The following FHIP1A variants were observed in gnomAD, a reference collection of about 807,000 sequenced individuals.
FHIP1A encodes FHF complex subunit HOOK interacting protein 1A.
In FHIP1A, 61 loss-of-function variants were observed where a neutral mutation model predicts 88.6. The ratio of observed to expected loss-of-function variants is 0.69; its 90% CI spans 0.56 to 0.85. FHIP1A has a LOEUF of 0.85. FHIP1A is among the 40% of genes least tolerant of loss of function. The pLI is 0.00. For missense variants in FHIP1A, 1,154 were observed against 1,273.5 expected (o/e 0.91, Z 1.43); for synonymous variants, 478 against 496.0 (o/e 0.96, Z 0.48).
intron 7 of FHIP1A, among the ~76,000 whole-genome samples, chr4:151,617,964 A>T (rs1486681567): frequency 2.8e-4 from 43 of 152,200 alleles, no homozygotes; most frequent in Admixed American, 2.0e-3. Flanking sequence ...ACTGAAGCAT[A>T]TGCTGACTTC....
chr4:151,473,828 G>A (rs1729609426), intron 2 of FHIP1A, among the ~76,000 whole-genome samples: 1 of 152,204 alleles, frequency 6.6e-6, no homozygotes, highest in Non-Finnish European at 1.5e-5. Context: ...GTGTAAAAAT[G>A]TGAAGGACAG....
At position 151,607,627 on chromosome 4, in the gene FHIP1A, G is replaced by A. The variant is rs138402485; in HGVS notation, c.978+18701G>A. 4.6e-5 allele frequency among the ~76,000 whole-genome samples: 7 copies of A among 152,306 alleles called. No individual in the cohort carries two copies. The East Asian group carries it at 1.3e-3, about 29-fold the overall frequency. On this transcript the variant is annotated intron_variant, in intron 7 of 13. Coordinates refer to ENST00000435205, the MANE Select transcript of FHIP1A (RefSeq NM_001109977.3). Reference sequence around the variant, plus strand: ...AGTTCAAGAAATGGGTTTTGAGTTAGCAAGACCTTGGTTTGAGTCTAGTTC... The same window carrying A: ...AGTTCAAGAAATGGGTTTTGAGTTAACAAGACCTTGGTTTGAGTCTAGTTC...
chr4:151,496,147 G>A (rs1433051184), intron 3 of FHIP1A, among the ~76,000 whole-genome samples: 2 of 151,420 alleles, frequency 1.3e-5, no homozygotes, highest in East Asian at 3.9e-4. Flanking sequence ...ATGTTTTCCT[G>A]CATTTGTTTA....
intron 7 of FHIP1A, among the ~76,000 whole-genome samples, chr4:151,617,138 C>G (rs1467767619): frequency 6.6e-6 from 1 of 152,142 alleles, no homozygotes; most frequent in Non-Finnish European, 1.5e-5. Flanking sequence ...TGACAAGTTA[C>G]TCCTCCTTTC....
At chr4:151,571,453 C>T (rs985751945) in intron 4 of FHIP1A, among the ~76,000 whole-genome samples, 1 of 152,142 alleles carries the variant, frequency 6.6e-6, no homozygotes, top group Admixed American at 6.5e-5. Context: ...TGGGAAAAAA[C>T]AGAACCATCT....
chr4:151,543,594 A>G (rs1292892911), intron 3 of FHIP1A, among the ~76,000 whole-genome samples: 5 of 152,240 alleles, frequency 3.3e-5, no homozygotes, highest in Admixed American at 6.5e-5. Context: ...AATATTATAC[A>G]TATATCTTTC....
chr4:151,636,221 A>G (rs1484611046), intron 8 of FHIP1A, among the ~76,000 whole-genome samples: 2 of 152,038 alleles, frequency 1.3e-5, no homozygotes, highest in Admixed American at 6.6e-5. Context: ...GGAAAACATC[A>G]TGATTATCAA....
At chr4:151,451,977 C>T (rs896789795) in intron 1 of FHIP1A, among the ~76,000 whole-genome samples, 1 of 152,030 alleles carries the variant, frequency 6.6e-6, no homozygotes, top group Non-Finnish European at 1.5e-5. Context: ...CACCACCATG[C>T]TCAGCTAATT....
chr4:151,422,424 T>C (rs949169599), intron 1 of FHIP1A, among the ~76,000 whole-genome samples: 1 of 151,970 alleles, frequency 6.6e-6, no homozygotes, highest in African/African-American at 2.4e-5. Context: ...TCTTGCTCCA[T>C]TGTCCAGGCT....
intron 7 of FHIP1A, among the ~76,000 whole-genome samples, chr4:151,591,123 A>G (rs922913362): frequency 6.7e-6 from 1 of 148,674 alleles, no homozygotes; most frequent in Non-Finnish European, 1.5e-5. Context: ...TAGGATGAAT[A>G]GGGTTAGGGA....
intron 1 of FHIP1A, among the ~76,000 whole-genome samples, chr4:151,445,821 C>A (rs969706144): frequency 8.3e-6 from 1 of 120,792 alleles, no homozygotes; most frequent in Non-Finnish European, 1.8e-5. Context: ...CACCTCTGCA[C>A]GCCAGCCTGA....
intron 7 of FHIP1A, among the ~76,000 whole-genome samples, chr4:151,597,972 G>C (rs1378956980): frequency 1.3e-5 from 2 of 152,140 alleles, no homozygotes; most frequent in African/African-American, 4.8e-5. Context: ...GGCCTCCATG[G>C]GGGTGGGATC....
In FHIP1A at chr4:151,665,490, G is replaced by A. The variant is rs200252333; in HGVS notation, c.*2736G>A. Among the ~76,000 whole-genome samples, 317 of 152,342 alleles carry A rather than the reference G, an allele frequency of 2.1e-3. 1 individual carries two copies. Among genetic ancestry groups the A allele is most frequent in the Admixed American group, 3.7e-3 (56 of 15,304 alleles). ...TTGCAAAATGAAGTCAGAAAATGGA[G>A]CTGGATGTAGAGAGAACAGGAAAAC... On this transcript the variant is annotated 3_prime_UTR_variant, in exon 14 of 14. Transcript: ENST00000435205.
intron 4 of FHIP1A, among the ~76,000 whole-genome samples, chr4:151,569,103 GGCCTACTGTGACTGCA>G (rs775131698): frequency 2.0e-5 from 3 of 152,278 alleles, no homozygotes; most frequent in Admixed American, 6.5e-5. Context: ...TAAGCTCCTA[GGCCTACTGTGACTGCA>G]GCCCCTGGGT....
At chr4:151,470,274 T>A (rs1040986163) in intron 2 of FHIP1A, among the ~76,000 whole-genome samples, 1 of 152,234 alleles carries the variant, frequency 6.6e-6, no homozygotes, top group Non-Finnish European at 1.5e-5. Context: ...AAATGTGTTA[T>A]GTCTATGATT....
rs1406139109 is a variant in FHIP1A, at chr4:151,666,779, G to A, written c.*4025G>A. Reference sequence around the variant, plus strand: ...TTGTGTTCAGGAGGGAAGCACAGCCGCAGCAGTCTGGACAAATCAAGTGCT... The same window carrying A: ...TTGTGTTCAGGAGGGAAGCACAGCCACAGCAGTCTGGACAAATCAAGTGCT... On this transcript the variant is annotated 3_prime_UTR_variant, in exon 14 of 14. Transcript: ENST00000435205. Among the ~76,000 whole-genome samples the A allele has an allele frequency of 1.3e-5, 2 of 152,196 alleles. No homozygotes were observed. The highest frequency in any genetic ancestry group is 1.9e-4 in the East Asian group (1 of 5,200).
At chr4:151,629,512 G>A (rs1408153452) in intron 7 of FHIP1A, among the ~76,000 whole-genome samples, 190 bp from the exon 8 acceptor site, 2 of 152,108 alleles carry the variant, frequency 1.3e-5, no homozygotes, top group Non-Finnish European at 2.9e-5. Flanking sequence ...ATTAAAGGGC[G>A]GAAACAGCAT....
intron 4 of FHIP1A, among the ~76,000 whole-genome samples, chr4:151,570,823 C>T (rs1733573292): frequency 6.6e-6 from 1 of 152,188 alleles, no homozygotes; most frequent in South Asian, 2.1e-4. Flanking sequence ...AAACAGCTTT[C>T]AACATACACT....
chr4:151,478,015 A>G (rs540426160), intron 2 of FHIP1A, among the ~76,000 whole-genome samples: 1 of 152,326 alleles, frequency 6.6e-6, no homozygotes, highest in South Asian at 2.1e-4. Flanking sequence ...TATTCTGCAT[A>G]TACTGTACAT....
Sources: allele counts gnomAD v4.1 joint callset (sites outside exome capture counted in the v4.1 genomes callset), GRCh38; gene constraint gnomAD v4.1.1; transcripts MANE v1.5; gene names NCBI Gene and HGNC (gene_info 2026-07-23, HGNC 2026-07-21).